Variants in WNT6 observed in about 807,000 individuals in gnomAD.
WNT6 encodes protein Wnt-6.
WNT6 carries 27 observed loss-of-function variants against 33.1 expected under a neutral mutation model. The ratio of observed to expected loss-of-function variants is 0.82; its 90% CI spans 0.60 to 1.12. The LOEUF (loss-of-function observed/expected upper bound fraction) is 1.12, where lower values mean the gene tolerates loss of function less well. WNT6 is among the 50% of genes most tolerant of loss of function. The pLI is 0.00. For synonymous variants in WNT6, 249 were observed against 242.8 expected (o/e 1.03, Z -0.24); for missense variants, 494 against 535.3 (o/e 0.92, Z 0.76).
chr2:218,866,164 C>T (rs1944353058), intron 1 of WNT6, among the ~76,000 whole-genome samples: 1 of 152,198 alleles, frequency 6.6e-6, no homozygotes, highest in African/African-American at 2.4e-5. Context: ...CTGTGCAACC[C>T]CCACCCACAG....
chr2:218,871,717 CG>C lies in WNT6; in HGVS notation c.538del (p.Asp180ThrfsTer170). 1 of 1,592,670 alleles carries C rather than the reference CG, an allele frequency of 6.3e-7. No homozygotes were observed. ...WGGCGDDVDF[G>X]DEKSRLFMDA... Reference sequence around the variant, plus strand: ...GAGGCTGCGGCGACGACGTGGACTTCGGGGACGAGAAGTCGAGGCTCTTTAT... The same window carrying C: ...GAGGCTGCGGCGACGACGTGGACTTCGGGACGAGAAGTCGAGGCTCTTTAT... On this transcript the variant is annotated frameshift_variant, in exon 3 of 4. Transcript: ENST00000233948. LOFTEE classifies it high-confidence loss of function. The surrounding 1 kb of genome is among the most constrained non-coding windows in gnomAD (Gnocchi z 6.4).
At chr2:218,866,146 C>T (rs1050110930) in intron 1 of WNT6, among the ~76,000 whole-genome samples, 6 of 152,168 alleles carry the variant, frequency 3.9e-5, no homozygotes, top group African/African-American at 1.4e-4. Flanking sequence ...CACCCACCTC[C>T]CCCACCCCTG....
chr2:218,873,668 T>A lies in WNT6; in HGVS notation c.921T>A (p.Gly307=), dbSNP rs780679458. The A allele has an allele frequency of 6.3e-7, 1 of 1,582,174 alleles. No homozygotes were observed. Among genetic ancestry groups the A allele is most frequent in the East Asian group, 2.3e-5 (1 of 42,806 alleles). Reference sequence around the variant, plus strand: ...GCACCGGCTCCCCCGGCACGCGCGGTCGCGCCTGCAATAGCAGCGCCCCGG... The same window carrying A: ...GCACCGGCTCCCCCGGCACGCGCGGACGCGCCTGCAATAGCAGCGCCCCGG... ...NRRTGSPGTR[G]RACNSSAPDL... Residue 307 remains glycine, a synonymous_variant, in exon 4 of 4, where the codon GGT becomes GGA. Transcript: ENST00000233948. The surrounding 1 kb of genome is among the most constrained non-coding windows in gnomAD (Gnocchi z 6.1).
chr2:218,861,148 G>A (rs1159666733), intron 1 of WNT6, among the ~76,000 whole-genome samples: 1 of 152,148 alleles, frequency 6.6e-6, no homozygotes, highest in African/African-American at 2.4e-5. Context: ...CCCAGATTTG[G>A]AAGAGAGGCA....
chr2:218,869,605 T>C (rs568225995), intron 1 of WNT6, among the ~76,000 whole-genome samples: 21 of 152,332 alleles, frequency 1.4e-4, no homozygotes, highest in East Asian at 7.7e-4. Context: ...GGGTGGTCTC[T>C]AATTACCCTC....
chr2:218,862,850 G>T (rs1214034509), intron 1 of WNT6, among the ~76,000 whole-genome samples: 1 of 150,576 alleles, frequency 6.6e-6, no homozygotes, highest in African/African-American at 2.4e-5. Context: ...GATTAGAGTT[G>T]CCCACCACCA....
chr2:218,859,895 C>T lies in WNT6; in HGVS notation c.-143C>T, dbSNP rs1944289886. ...CGCGCCCTCCTCGCCCGGGATGGGC[C>T]CCCCCGCCGCCGCCGGATCCCTCGC... is the stretch of plus-strand genomic sequence containing the variant. On this transcript the variant is annotated 5_prime_UTR_variant, in exon 1 of 4. Transcript: ENST00000233948. 6.1e-6 allele frequency: 3 copies of T among 491,622 alleles called. No homozygotes were observed. The highest frequency in any genetic ancestry group is 5.6e-5 in the Admixed American group (1 of 17,926). The allele number at this position is 491,622 out of a possible 1,614,324, so 30.5% of individuals were successfully genotyped here.
Position 218,874,035 on chromosome 2 carries a change from C to T in WNT6, c.*190C>T. Reference sequence around the variant, plus strand: ...CGCCCACCCACGAAGGCCCAGGGCGCCAGACGGCCCCGAAAAGGCGCTCGG... The same window carrying T: ...CGCCCACCCACGAAGGCCCAGGGCGTCAGACGGCCCCGAAAAGGCGCTCGG... On this transcript the variant is annotated 3_prime_UTR_variant, in exon 4 of 4. Coordinates refer to ENST00000233948, the MANE Select transcript of WNT6 (RefSeq NM_006522.4). 1 of 655,920 alleles carries T rather than the reference C, an allele frequency of 1.5e-6. No homozygotes were observed. The highest frequency in any genetic ancestry group is 2.4e-6 in the Non-Finnish European group (1 of 420,684). The allele number at this position is 655,920 out of a possible 1,614,324, so 40.6% of individuals were successfully genotyped here.
intron 3 of WNT6, among the ~76,000 whole-genome samples, chr2:218,872,476 G>A (rs1286769685): frequency 6.6e-6 from 1 of 152,124 alleles, no homozygotes; most frequent in Non-Finnish European, 1.5e-5. Context: ...CAGAGCCATG[G>A]CAGCCTCTCC....
At position 218,871,527 on chromosome 2, in the gene WNT6, G is replaced by C; in HGVS notation, c.344G>C (p.Gly115Ala). 6.3e-7 allele frequency: 1 copy of C among 1,597,458 alleles called. No homozygotes were observed. The highest frequency in any genetic ancestry group is 8.5e-7 in the Non-Finnish European group (1 of 1,179,300). Reference protein sequence around the residue: ...TAFVFAITAAGASHAVTQACS... With the variant: ...TAFVFAITAAAASHAVTQACS... ...TTCGTGTTCGCCATCACTGCGGCCGGCGCCAGCCACGCCGTCACGCAGGCC... is the reference window on the plus strand; with the variant it reads ...TTCGTGTTCGCCATCACTGCGGCCGCCGCCAGCCACGCCGTCACGCAGGCC... The change falls in exon 3 of 4, where the codon GGC (glycine) becomes GCC (alanine). Residue 115 changes from glycine to alanine, a missense_variant. Transcript: ENST00000233948. The surrounding 1 kb of genome is among the most constrained non-coding windows in gnomAD (Gnocchi z 6.4).
Position 218,871,817 on chromosome 2 carries a change from C to A in WNT6, c.634C>A (p.Leu212Met). The change falls in exon 3 of 4, where the codon CTG becomes ATG. Residue 212 changes from leucine to methionine, a missense_variant and splice_region_variant. Coordinates refer to ENST00000233948, the MANE Select transcript of WNT6 (RefSeq NM_006522.4). The surrounding 1 kb of genome is among the most constrained non-coding windows in gnomAD (Gnocchi z 6.4). ...ACTGCACAACAACGAGGCGGGCAGG[C>A]TGGTGCGTACGGGCAGGATGGAGTG... Reference protein sequence around the residue: ...VQLHNNEAGRLAVRSHTRTEC... With the variant: ...VQLHNNEAGRMAVRSHTRTEC... The A allele has an allele frequency of 6.3e-7, 1 of 1,583,856 alleles. No individual in the cohort carries two copies. Among genetic ancestry groups the A allele is most frequent in the East Asian group, 2.5e-5 (1 of 40,784 alleles).
At position 218,873,689 on chromosome 2, in the gene WNT6, C is replaced by A. The variant is rs775746531; in HGVS notation, c.942C>A (p.Ala314=). 5 of 1,578,958 alleles carry A rather than the reference C, an allele frequency of 3.2e-6. No homozygotes were observed. In the South Asian group the frequency reaches 5.7e-5, roughly 18 times the overall value. Residue 314 remains alanine (A), a synonymous_variant, in exon 4 of 4, where the codon GCC becomes GCA. Transcript: ENST00000233948. This position sits in a 1 kb window ranked among gnomAD's most constrained non-coding sequence, Gnocchi z 6.1. ...GCGGTCGCGCCTGCAATAGCAGCGC[C>A]CCGGACCTCAGCGGCTGCGACCTGC... ...GTRGRACNSS[A]PDLSGCDLLC...
At chr2:218,865,154 C>T (rs1347812528) in intron 1 of WNT6, among the ~76,000 whole-genome samples, 1 of 152,232 alleles carries the variant, frequency 6.6e-6, no homozygotes, top group Non-Finnish European at 1.5e-5. Flanking sequence ...AGGAGGTTTG[C>T]TCATCAGGCC....
Position 218,871,319 on chromosome 2 carries a change from T to A in WNT6, c.301+72T>A. On this transcript the variant is annotated intron_variant, in intron 2 of 3. Coordinates refer to ENST00000233948, the MANE Select transcript of WNT6 (RefSeq NM_006522.4). The surrounding 1 kb of genome is among the most constrained non-coding windows in gnomAD (Gnocchi z 6.4). ...TGGGACCCGAGGAGAGGAGAACTGG[T>A]TCGCTGAAGTTGCCTGAGCCCCACT... The A allele has an allele frequency of 1.3e-6, 2 of 1,534,558 alleles. No individual in the cohort carries two copies. Among genetic ancestry groups the A allele is most frequent in the Non-Finnish European group, 1.8e-6 (2 of 1,129,448 alleles).
intron 1 of WNT6, among the ~76,000 whole-genome samples, chr2:218,865,714 G>C (rs941635405): frequency 8.5e-5 from 13 of 152,190 alleles, no homozygotes; most frequent in Admixed American, 8.5e-4. Flanking sequence ...CCTCAGATAG[G>C]TGCTCCCCAC....
At chr2:218,860,190 T>G (rs1575221886) in intron 1 of WNT6, 73 bp downstream of exon 1, 1 of 1,325,770 alleles carries the variant, frequency 7.5e-7, no homozygotes, top group Non-Finnish European at 9.8e-7. Flanking sequence ...CAGACTGGGG[T>G]GTTCCGCAGC....
In WNT6 at chr2:218,873,564, G is replaced by C. The variant is rs1944424557; in HGVS notation, c.817G>C (p.Val273Leu). ...CGACGGCAAGGCCCTGCTGCCCGCC[G>C]TCCGCACGCTCAAGCCGCCGGGCCG... ...TNDGKALLPA[V>L]RTLKPPGRAD... The change falls in exon 4 of 4, where the codon GTC becomes CTC. Residue 273 changes from valine (V) to leucine (L), a missense_variant. Transcript: ENST00000233948. This position sits in a 1 kb window ranked among gnomAD's most constrained non-coding sequence, Gnocchi z 6.1. The C allele has an allele frequency of 1.3e-6, 2 of 1,538,506 alleles. No homozygotes were observed. The highest frequency in any genetic ancestry group is 1.7e-6 in the Non-Finnish European group (2 of 1,146,280).
Position 218,873,535 on chromosome 2 carries a change from C to G in WNT6, c.788C>G (p.Thr263Ser), listed in dbSNP as rs1319077270. The G allele has an allele frequency of 1.3e-6, 2 of 1,538,000 alleles. No individual in the cohort carries two copies. The highest frequency in any genetic ancestry group is 2.4e-5 in the South Asian group (2 of 84,016). Residue 263 changes from threonine to serine, a missense_variant, in exon 4 of 4, where the codon ACC (threonine) becomes AGC (serine). Coordinates refer to ENST00000233948, the MANE Select transcript of WNT6 (RefSeq NM_006522.4). This position sits in a 1 kb window ranked among gnomAD's most constrained non-coding sequence, Gnocchi z 6.1. Reference sequence around the variant, plus strand: ...CACGGCGCCTCACGCGTCATGGGCACCAACGACGGCAAGGCCCTGCTGCCC... The same window carrying G: ...CACGGCGCCTCACGCGTCATGGGCAGCAACGACGGCAAGGCCCTGCTGCCC... ...RFHGASRVMG[T>S]NDGKALLPAV...
rs1237278439 is a variant in WNT6, at chr2:218,871,464, T to G, written c.302-21T>G. ...GCTGACCGCCCCAGCCCGCGCTGAT[T>G]GCACCTGTCTGCATTCACAGACATT... is the stretch of plus-strand genomic sequence containing the variant. On this transcript the variant is annotated intron_variant, in intron 2 of 3. Coordinates refer to ENST00000233948, the MANE Select transcript of WNT6 (RefSeq NM_006522.4). The surrounding 1 kb of genome is among the most constrained non-coding windows in gnomAD (Gnocchi z 6.4). 2 of 1,594,202 alleles carry G rather than the reference T, an allele frequency of 1.3e-6. No homozygotes were observed. The highest frequency in any genetic ancestry group is 3.4e-5 in the Admixed American group (2 of 59,414).
Sources: gnomAD v4.1 joint callset for allele counts (sites outside exome capture counted in the v4.1 genomes callset) on GRCh38, gnomAD v4.1.1 for gene constraint, Gnocchi (gnomAD v3.1) non-coding constraint, MANE v1.5 for transcripts, NCBI Gene and HGNC (gene_info 2026-07-23, HGNC 2026-07-21) for gene names.